ANKS1B: variants seen among roughly 807,000 people sequenced by gnomAD.
ANKS1B encodes ankyrin repeat and sterile alpha motif domain containing 1B.
In ANKS1B, 36 loss-of-function variants were observed where a neutral mutation model predicts 148.3. The ratio of observed to expected loss-of-function variants is 0.24; its 90% CI spans 0.19 to 0.32. The LOEUF (loss-of-function observed/expected upper bound fraction) is 0.32. Ranked by LOEUF, ANKS1B falls within the 10% of genes least tolerant of loss-of-function variation. The probability of loss-of-function intolerance (pLI) is 1.00; values close to 1 mark genes in which losing one functional copy is unlikely to be tolerated. For missense variants in ANKS1B, 1,157 were observed against 1,542.6 expected (o/e 0.75, Z 4.19); for synonymous variants, 542 against 560.8 (o/e 0.97, Z 0.47).
intron 8 of ANKS1B, among the ~76,000 whole-genome samples, chr12:99,766,981 T>C (rs896393404): frequency 5.3e-5 from 8 of 152,088 alleles, no homozygotes; most frequent in South Asian, 2.1e-4. Context: ...TTTTAGGCAA[T>C]CTAATCTGAC....
chr12:98,905,473 T>C (rs1186264665), intron 17 of ANKS1B, among the ~76,000 whole-genome samples: 1 of 152,086 alleles, frequency 6.6e-6, no homozygotes, highest in African/African-American at 2.4e-5. Context: ...TCAAGGATGG[T>C]TAACCCTCTC....
At chr12:99,082,112 A>G (rs2049995588) in intron 16 of ANKS1B, among the ~76,000 whole-genome samples, 1 of 152,162 alleles carries the variant, frequency 6.6e-6, no homozygotes, top group Non-Finnish European at 1.5e-5. Flanking sequence ...ACTATGTGAC[A>G]GGTGCTATTC....
At chr12:99,539,183 C>T (rs556634213) in intron 9 of ANKS1B, among the ~76,000 whole-genome samples, 23 of 152,124 alleles carry the variant, frequency 1.5e-4, no homozygotes, top group South Asian at 8.3e-4. Flanking sequence ...CACTAAAAAA[C>T]GTAAAAAGTG....
At chr12:99,295,923 A>G (rs2080809917) in intron 12 of ANKS1B, among the ~76,000 whole-genome samples, 1 of 152,212 alleles carries the variant, frequency 6.6e-6, no homozygotes, top group South Asian at 2.1e-4. Context: ...TGCCTAACCC[A>G]AAGTCACAAA....
At chr12:99,007,563 C>T (rs1568328312) in intron 17 of ANKS1B, among the ~76,000 whole-genome samples, 1 of 152,190 alleles carries the variant, frequency 6.6e-6, no homozygotes. Flanking sequence ...TAGTCACTTA[C>T]AGTCTAGTCC....
chr12:99,435,562 C>G (rs1343121061), intron 11 of ANKS1B, among the ~76,000 whole-genome samples: 1 of 151,970 alleles, frequency 6.6e-6, no homozygotes, highest in East Asian at 1.9e-4. Context: ...CACTACAGGG[C>G]TTTACAATGT....
intron 9 of ANKS1B, among the ~76,000 whole-genome samples, chr12:99,641,079 C>T (rs2098298702): frequency 6.6e-6 from 1 of 152,152 alleles, no homozygotes; most frequent in Non-Finnish European, 1.5e-5. Flanking sequence ...ATTAACATTG[C>T]ACATATTAGA....
chr12:99,652,764 TAAAC>T (rs2098429231), intron 9 of ANKS1B, among the ~76,000 whole-genome samples: 2 of 151,794 alleles, frequency 1.3e-5, no homozygotes, highest in Non-Finnish European at 2.9e-5. Flanking sequence ...AAGGCAGAAA[TAAAC>T]AAGCCTTCAG....
chr12:98,919,084 G>C (rs1211086858), intron 17 of ANKS1B, among the ~76,000 whole-genome samples: 1 of 151,902 alleles, frequency 6.6e-6, no homozygotes, highest in Non-Finnish European at 1.5e-5. Context: ...TGTTTCAAAG[G>C]GTTTCTTTTT....
At chr12:98,799,136 G>C (rs1411804784) in intron 21 of ANKS1B, 131 bp from the exon 22 acceptor site, 1 of 515,022 alleles carries the variant, frequency 1.9e-6, no homozygotes, top group East Asian at 3.2e-5. Flanking sequence ...TTAAAAAACT[G>C]ACAGTAACTA....
intron 15 of ANKS1B, among the ~76,000 whole-genome samples, chr12:99,128,192 C>T (rs936640871): frequency 1.3e-5 from 2 of 152,128 alleles, no homozygotes; most frequent in East Asian, 1.9e-4. Context: ...ATTCTAAGTG[C>T]GGCACATACT....
At chr12:99,938,633 C>T (rs1216690177) in intron 1 of ANKS1B, among the ~76,000 whole-genome samples, 1 of 152,160 alleles carries the variant, frequency 6.6e-6, no homozygotes, top group Non-Finnish European at 1.5e-5. Context: ...ACATGAAATC[C>T]CCAGCCCACA....
chr12:98,841,273 A>G (rs768043519), intron 17 of ANKS1B, among the ~76,000 whole-genome samples: 2 of 152,188 alleles, frequency 1.3e-5, no homozygotes, highest in African/African-American at 4.8e-5. Context: ...CGCAACATAC[A>G]TGAACACACC....
chr12:99,527,082 C>A (rs1368862229), intron 9 of ANKS1B, among the ~76,000 whole-genome samples: 1 of 152,128 alleles, frequency 6.6e-6, no homozygotes, highest in Non-Finnish European at 1.5e-5. Flanking sequence ...TCAGAAGGAA[C>A]CAGTCCTGCT....
At chr12:99,443,216 A>C (rs1038645533) in intron 11 of ANKS1B, among the ~76,000 whole-genome samples, 2 of 152,004 alleles carry the variant, frequency 1.3e-5, no homozygotes, top group African/African-American at 4.8e-5. Flanking sequence ...TATTAAACGC[A>C]GACAATATTC....
At chr12:98,871,485 A>C (rs2099668783) in intron 17 of ANKS1B, among the ~76,000 whole-genome samples, 1 of 152,218 alleles carries the variant, frequency 6.6e-6, no homozygotes, top group Non-Finnish European at 1.5e-5. Context: ...TACCTTGCAC[A>C]AATCACAAAG....
intron 14 of ANKS1B, chr12:99,154,741 T>C (rs1322195788): frequency 3.5e-5 from 51 of 1,440,402 alleles, no homozygotes; most frequent in South Asian, 3.0e-5. Flanking sequence ...TATGTGATTG[T>C]TGGAGTACTC....
intron 1 of ANKS1B, among the ~76,000 whole-genome samples, chr12:99,891,880 A>G (rs1377092172): frequency 2.6e-5 from 4 of 152,240 alleles, no homozygotes; most frequent in Non-Finnish European, 5.9e-5. Flanking sequence ...CTATAAAATA[A>G]TCCAGAGGAG....
chr12:98,987,105 A>G (rs1171755953), intron 17 of ANKS1B, among the ~76,000 whole-genome samples: 1 of 151,950 alleles, frequency 6.6e-6, no homozygotes, highest in Non-Finnish European at 1.5e-5. Flanking sequence ...GTAGAATGCG[A>G]TTTAAATAGT....
Sources: gnomAD v4.1 joint callset for allele counts (sites outside exome capture counted in the v4.1 genomes callset) on GRCh38, gnomAD v4.1.1 for gene constraint, MANE v1.5 for transcripts, NCBI Gene and HGNC (gene_info 2026-07-23, HGNC 2026-07-21) for gene names.